The following DCAF4 variants were observed in gnomAD, a reference collection of about 807,000 sequenced individuals.
DCAF4 encodes the protein DDB1- and CUL4-associated factor 4.
A neutral mutation model predicts 60.9 loss-of-function variants in DCAF4; 37 were observed. The ratio of observed to expected loss-of-function variants is 0.61; its 90% CI spans 0.47 to 0.80. The LOEUF (loss-of-function observed/expected upper bound fraction) is 0.80, where lower values mean the gene tolerates loss of function less well. Among genes scored for constraint, DCAF4 ranks in the 30% least tolerant of loss-of-function variants. The probability of loss-of-function intolerance (pLI) is 0.00; values close to 1 mark genes in which losing one functional copy is unlikely to be tolerated. For synonymous variants in DCAF4, 243 were observed against 254.8 expected, an observed-to-expected ratio of 0.95 and a Z score of 0.44; for missense variants, 577 against 650.0, an observed-to-expected ratio of 0.89 and a Z score of 1.22.
At chr14:72,961,677 G>C (rs114207693), downstream of DCAF4, among the ~76,000 whole-genome samples, 117 of 152,348 alleles carry the variant, frequency 7.7e-4, no homozygotes, top group African/African-American at 2.7e-3. Flanking sequence ...AACCTCACCA[G>C]CCCTTGGCTT....
intron 11 of DCAF4, 145 bp from the exon 12 acceptor site, chr14:72,955,378 T>G: frequency 2.1e-6 from 2 of 955,384 alleles, no homozygotes; most frequent in Non-Finnish European, 3.2e-6. Flanking sequence ...CCAACTCCAT[T>G]GAGACCCAAA....
chr14:72,951,729 A>G, intron 8 of DCAF4, 69 bp from the exon 9 acceptor site: 1 of 1,488,168 alleles, frequency 6.7e-7, no homozygotes, highest in Non-Finnish European at 9.4e-7. Context: ...GACTTTCTGA[A>G]GGGTAAATGT....
intron 1 of DCAF4, among the ~76,000 whole-genome samples, chr14:72,928,417 T>G (rs1460124709): frequency 6.7e-6 from 1 of 149,304 alleles, no homozygotes; most frequent in African/African-American, 2.5e-5. Flanking sequence ...TGGTCTCACA[T>G]ATCTGCCGAC....
At chr14:72,943,490 C>T (rs2240981) in intron 6 of DCAF4, among the ~76,000 whole-genome samples, 30,480 of 152,082 alleles carry the variant, frequency 0.2, 3,732 homozygotes, top group East Asian at 0.43. Context: ...AAACCTGCAG[C>T]CCAGTGTGCC....
At chr14:72,939,690 T>G (rs1889759484) in intron 2 of DCAF4, 112 bp from the exon 3 acceptor site, 4 of 785,268 alleles carry the variant, frequency 5.1e-6, no homozygotes, top group Non-Finnish European at 7.9e-6. Flanking sequence ...ATCAGAAAGG[T>G]CAGAGATCAG....
intron 8 of DCAF4, among the ~76,000 whole-genome samples, chr14:72,950,476 A>T (rs1891269177): frequency 6.6e-6 from 1 of 152,154 alleles, no homozygotes. Flanking sequence ...ACTGATGAGA[A>T]CATTTCTCTG....
intron 11 of DCAF4, 71 bp downstream of exon 11, chr14:72,954,554 ACTC>A (rs56832550): frequency 0.21 from 294,990 of 1,405,156 alleles, 35,969 homozygotes; most frequent in East Asian, 0.46. Context: ...TTGAAATTGG[ACTC>A]CTCTGTGTGC....
At chr14:72,942,927 G>C (rs770602780) in intron 5 of DCAF4, 67 bp from the exon 6 acceptor site, 6 of 1,483,600 alleles carry the variant, frequency 4.0e-6, no homozygotes, top group Non-Finnish European at 4.7e-6. Context: ...GGGAAGGCCA[G>C]AGACCCCCGA....
In DCAF4 at chr14:72,937,974, C is replaced by T; in HGVS notation, c.-5C>T. The T allele has an allele frequency of 6.3e-7, 1 of 1,594,992 alleles. No homozygotes were observed. On this transcript the variant is annotated 5_prime_UTR_variant, in exon 2 of 14. Transcript: ENST00000358377. ...TTTTTTTGTTTTTCTCTTTTAGGAA[C>T]AGAAATGAATAAAAGTCGCTGGCAG...
chr14:72,958,465 C>A, intron 13 of DCAF4, 147 bp from the exon 14 acceptor site: 1 of 928,716 alleles, frequency 1.1e-6, no homozygotes, highest in Non-Finnish European at 1.6e-6. Flanking sequence ...TTGGGTTATC[C>A]GTAGAAATAC....
rs762521351 is a variant in DCAF4, at chr14:72,954,166, A to G, written c.811A>G (p.Ile271Val). 2.5e-6 allele frequency: 4 copies of G among 1,614,130 alleles called. No homozygotes were observed. Among genetic ancestry groups the G allele is most frequent in the Non-Finnish European group, 8.5e-7 (1 of 1,180,016 alleles). ...ASLFVNSHPG[I>V]DRPGMLCSFR... ...ACATTCTCCTATCCCCTTAGCAGGA[A>G]TAGACCGGCCTGGCATGCTCTGCAG... Residue 271 changes from isoleucine (I) to valine (V), a missense_variant and splice_region_variant, in exon 10 of 14, where the codon ATA becomes GTA. Transcript: ENST00000358377.
chr14:72,933,263 T>C (rs1345854026), intron 1 of DCAF4, among the ~76,000 whole-genome samples: 3 of 152,206 alleles, frequency 2.0e-5, no homozygotes, highest in Non-Finnish European at 1.5e-5. Flanking sequence ...CTGGGTTTTA[T>C]ATTATTACTA....
chr14:72,960,689 G>T, downstream of DCAF4: 1 of 1,064,952 alleles, frequency 9.4e-7, no homozygotes, highest in South Asian at 3.4e-5. Flanking sequence ...AGGAGAAGTT[G>T]GGCAGAGACA....
chr14:72,931,692 A>G (rs558805251), intron 1 of DCAF4, among the ~76,000 whole-genome samples: 68 of 152,280 alleles, frequency 4.5e-4, no homozygotes, highest in African/African-American at 1.5e-3. Flanking sequence ...GGTTGAGGAA[A>G]CTACCTTCTG....
intron 1 of DCAF4, among the ~76,000 whole-genome samples, chr14:72,934,299 G>A (rs374904080): frequency 1.2e-4 from 18 of 152,034 alleles, no homozygotes; most frequent in African/African-American, 3.4e-4. Flanking sequence ...GATTGCAGGC[G>A]CCCACTACCA....
At chr14:72,941,235 G>T (rs902461961) in intron 4 of DCAF4, among the ~76,000 whole-genome samples, 2 of 152,216 alleles carry the variant, frequency 1.3e-5, no homozygotes, top group African/African-American at 4.8e-5. Flanking sequence ...CAAAGTGTGG[G>T]ATTAGAGGTG....
Position 72,938,010 on chromosome 14 carries a change from G to A in DCAF4, c.32G>A (p.Arg11Gln), listed in dbSNP as rs540271702. 123 of 1,609,878 alleles carry A rather than the reference G, an allele frequency of 7.6e-5. 1 individual carries two copies. In the South Asian group the frequency reaches 7.7e-4, roughly 10 times the overall value. The stretch of plus-strand genomic sequence containing the variant: ...AAAAGTCGCTGGCAGAGTAGAAGAC[G>A]ACATGGGAGAAGAAGCCACCAGCAG... The part of the protein sequence containing the change: MNKSRWQSRR[R>Q]HGRRSHQQNP... Residue 11 changes from arginine (R) to glutamine (Q), a missense_variant, in exon 2 of 14, where the codon CGA becomes CAA. By Grantham distance (43) the Arg-to-Gln change is conservative. Transcript: ENST00000358377.
chr14:72,946,396 C>T (rs781739356), intron 7 of DCAF4, among the ~76,000 whole-genome samples: 2 of 151,876 alleles, frequency 1.3e-5, no homozygotes, highest in Admixed American at 6.6e-5. Flanking sequence ...CAGAGCGAGA[C>T]CCTGTCTCAA....
intron 8 of DCAF4, among the ~76,000 whole-genome samples, chr14:72,950,999 G>A (rs1192105991): frequency 6.6e-6 from 1 of 151,892 alleles, no homozygotes; most frequent in Non-Finnish European, 1.5e-5. Flanking sequence ...TTTTATTTTT[G>A]AGACATGGTC....
Sources: allele counts gnomAD v4.1 joint callset (sites outside exome capture counted in the v4.1 genomes callset), GRCh38; gene constraint gnomAD v4.1.1; transcripts MANE v1.5; gene names NCBI Gene and HGNC (gene_info 2026-07-23, HGNC 2026-07-21).